The following DPF3 variants were observed in gnomAD, a reference collection of about 807,000 sequenced individuals.
DPF3 encodes zinc finger protein DPF3.
In DPF3, 18 loss-of-function variants were observed where a neutral mutation model predicts 56.8. The ratio of observed to expected loss-of-function variants is 0.32; its 90% CI spans 0.22 to 0.47. The LOEUF (loss-of-function observed/expected upper bound fraction) is 0.47. Ranked by LOEUF, DPF3 falls within the 20% of genes least tolerant of loss-of-function variation. The pLI is 1.00. For missense variants in DPF3, 403 were observed against 488.8 expected (o/e 0.82, Z 1.65); for synonymous variants, 188 against 180.2 (o/e 1.04, Z -0.35).
At chr14:72,842,077 A>G (rs1884564352) in intron 1 of DPF3, among the ~76,000 whole-genome samples, 1 of 145,402 alleles carries the variant, frequency 6.9e-6, no homozygotes, top group Non-Finnish European at 1.5e-5. Context: ...ACAGAGTGAG[A>G]CCCTGTCTCT....
At chr14:72,708,734 C>T (rs1237892662) in intron 6 of DPF3, among the ~76,000 whole-genome samples, 1 of 152,218 alleles carries the variant, frequency 6.6e-6, no homozygotes, top group Non-Finnish European at 1.5e-5. Flanking sequence ...TTTGTCTGTC[C>T]AGTCAGCAGA....
At chr14:72,885,546 G>A (rs1464243871) in intron 1 of DPF3, among the ~76,000 whole-genome samples, 4 of 152,020 alleles carry the variant, frequency 2.6e-5, no homozygotes, top group African/African-American at 9.7e-5. Flanking sequence ...TAGGACCACA[G>A]GTGTACACCA....
intron 3 of DPF3, among the ~76,000 whole-genome samples, chr14:72,749,660 G>C (rs1890479904): frequency 6.6e-6 from 1 of 152,166 alleles, no homozygotes; most frequent in Non-Finnish European, 1.5e-5. Context: ...GGAGATGACT[G>C]AATCATGGAG....
At chr14:72,681,590 C>T (rs1287271567) in intron 7 of DPF3, among the ~76,000 whole-genome samples, 1 of 152,186 alleles carries the variant, frequency 6.6e-6, no homozygotes, top group East Asian at 1.9e-4. Context: ...CTTCCTATGC[C>T]TGCCTTCTTT....
chr14:72,708,252 G>C (rs773624267), intron 6 of DPF3, among the ~76,000 whole-genome samples: 15 of 152,336 alleles, frequency 9.8e-5, no homozygotes, highest in South Asian at 2.1e-4. Context: ...CCTGCCTCTG[G>C]CCAGTCCTGC....
At chr14:72,864,873 A>G (rs1885601812) in intron 1 of DPF3, among the ~76,000 whole-genome samples, 1 of 152,242 alleles carries the variant, frequency 6.6e-6, no homozygotes, top group South Asian at 2.1e-4. Flanking sequence ...TGTGGCCTGA[A>G]TGGGAGGTGA....
intron 8 of DPF3, among the ~76,000 whole-genome samples, chr14:72,645,389 T>A (rs1166266091): frequency 6.6e-6 from 1 of 151,764 alleles, no homozygotes; most frequent in Non-Finnish European, 1.5e-5. Context: ...ACCTGCCGCC[T>A]CCTTGGCTCA....
intron 8 of DPF3, chr14:72,670,237 G>A (rs928719214): frequency 6.1e-6 from 6 of 985,874 alleles, no homozygotes; most frequent in Non-Finnish European, 7.2e-6. Context: ...CTCGGCCTCG[G>A]GTGGTGGAGT....
At position 72,838,909 on chromosome 14, in the gene DPF3, T is replaced by TATATATATATATA. The variant is rs1491369142; in HGVS notation, c.32+55147_32+55148insTATATATATATAT. Among the ~76,000 whole-genome samples the TATATATATATATA allele has an allele frequency of 8.8e-3, 67 of 7,600 alleles. 1 individual carries two copies. The highest frequency in any genetic ancestry group is 0.056 in the Middle Eastern group (1 of 18). The allele number at this position is 7,600 out of a possible 152,430, so 5.0% of individuals were successfully genotyped here. On this transcript the variant is annotated intron_variant, in intron 1 of 10. Coordinates refer to ENST00000556509, the MANE Select transcript of DPF3 (RefSeq NM_001280542.3). ...ATCATATATATTATCATATATATTC[T>TATATATATATATA]TTTTTTTTTTTTTTTTTTTTTTTTT...
chr14:72,653,355 T>A (rs2153568708), intron 8 of DPF3, among the ~76,000 whole-genome samples: 1 of 152,304 alleles, frequency 6.6e-6, no homozygotes, highest in Middle Eastern at 3.4e-3. Flanking sequence ...TGACTCCCAG[T>A]GCACACTCCT....
chr14:72,769,699 A>C (rs1599425559), intron 2 of DPF3, among the ~76,000 whole-genome samples: 2 of 151,318 alleles, frequency 1.3e-5, no homozygotes, highest in East Asian at 1.9e-4. Context: ...AAAAAAAAAA[A>C]CACATCAGCA....
chr14:72,724,211 A>G (rs1032735919), intron 4 of DPF3: 2 of 152,118 alleles, frequency 1.3e-5, no homozygotes, highest in Non-Finnish European at 1.5e-5. Flanking sequence ...TGCTGTTCAT[A>G]ATAAGCCACT....
chr14:72,750,764 T>A (rs11628051), intron 3 of DPF3, among the ~76,000 whole-genome samples: 31,538 of 124,582 alleles, frequency 0.25, 3,947 homozygotes, highest in Middle Eastern at 0.43. Context: ...TCCTGGTGCA[T>A]GCATGGATTA....
At chr14:72,856,820 G>A (rs1885186752) in intron 1 of DPF3, among the ~76,000 whole-genome samples, 1 of 152,216 alleles carries the variant, frequency 6.6e-6, no homozygotes, top group South Asian at 2.1e-4. Flanking sequence ...CGGAGGGGCT[G>A]AGAGTCCAGC....
At chr14:72,857,780 C>G (rs61986334) in intron 1 of DPF3, among the ~76,000 whole-genome samples, 78,915 of 151,666 alleles carry the variant, frequency 0.52, 21,556 homozygotes, top group African/African-American at 0.66. Context: ...GTAGAGACGG[C>G]GTTTCACCAT....
chr14:72,757,913 T>C (rs1481866305), intron 2 of DPF3, among the ~76,000 whole-genome samples: 2 of 151,988 alleles, frequency 1.3e-5, no homozygotes, highest in Non-Finnish European at 1.5e-5. Flanking sequence ...GACAAATATA[T>C]GTGTGTGGTG....
At chr14:72,747,668 G>A (rs910800850) in intron 3 of DPF3, among the ~76,000 whole-genome samples, 22 of 151,504 alleles carry the variant, frequency 1.5e-4, no homozygotes, top group African/African-American at 5.3e-4. Flanking sequence ...GTTTGGCTCT[G>A]TGTCCCCATC....
chr14:72,663,642 GA>G (rs1343212522), intron 8 of DPF3, among the ~76,000 whole-genome samples: 1 of 152,202 alleles, frequency 6.6e-6, no homozygotes. Context: ...AGTGAGCAAT[GA>G]AACCAAGTAC....
At chr14:72,869,105 C>G (rs964285843) in intron 1 of DPF3, among the ~76,000 whole-genome samples, 2 of 152,188 alleles carry the variant, frequency 1.3e-5, no homozygotes, top group Non-Finnish European at 2.9e-5. Flanking sequence ...ATGGGTCCCC[C>G]AACATGCACA....
Sources: allele counts gnomAD v4.1 joint callset (sites outside exome capture counted in the v4.1 genomes callset), GRCh38; gene constraint gnomAD v4.1.1; transcripts MANE v1.5; gene names NCBI Gene and HGNC (gene_info 2026-07-23, HGNC 2026-07-21).